The following ATXN7 variants were observed in gnomAD, a reference collection of about 807,000 sequenced individuals.
ATXN7 encodes ataxin-7.
In ATXN7, 12 loss-of-function variants were observed where a neutral mutation model predicts 70.5. The observed-to-expected ratio is 0.17, with a 90% CI of 0.11 to 0.28. The LOEUF (loss-of-function observed/expected upper bound fraction) is 0.28. ATXN7 is among the 10% of genes least tolerant of loss of function. ATXN7 has a pLI of 1.00. For missense variants in ATXN7, 1,256 were observed against 1,131.7 expected, an observed-to-expected ratio of 1.11 and a Z score of -1.58; for synonymous variants, 498 against 448.7, an observed-to-expected ratio of 1.11 and a Z score of -1.39.
At chr3:63,881,608 C>G (rs558949596) in intron 1 of ATXN7, among the ~76,000 whole-genome samples, 9 of 152,026 alleles carry the variant, frequency 5.9e-5, no homozygotes, top group Admixed American at 5.2e-4. Flanking sequence ...CCTGCCTCAG[C>G]CTCCTGAGAA....
chr3:63,933,367 A>G (rs977294211), intron 4 of ATXN7, among the ~76,000 whole-genome samples: 3 of 152,164 alleles, frequency 2.0e-5, no homozygotes, highest in Non-Finnish European at 4.4e-5. Context: ...AAAGTAGTCA[A>G]TGTTGTTGTT....
intron 2 of ATXN7, among the ~76,000 whole-genome samples, chr3:63,908,330 A>C (rs1021375299): frequency 2.0e-5 from 3 of 152,246 alleles, no homozygotes; most frequent in African/African-American, 7.2e-5. Context: ...CCCCTTGTGC[A>C]GAATACAGCC....
chr3:63,963,326 A>G (rs773458519), intron 5 of ATXN7, among the ~76,000 whole-genome samples: 14 of 152,212 alleles, frequency 9.2e-5, no homozygotes, highest in Non-Finnish European at 1.5e-4. Context: ...AATATATGAA[A>G]TATATACACC....
At chr3:63,947,841 A>G (rs2074888926) in intron 4 of ATXN7, among the ~76,000 whole-genome samples, 1 of 152,012 alleles carries the variant, frequency 6.6e-6, no homozygotes, top group South Asian at 2.1e-4. Flanking sequence ...GGCTGGGGAA[A>G]AGGTTTCTGG....
At position 63,988,315 on chromosome 3, in the gene ATXN7, G is replaced by C; in HGVS notation, c.1352G>C (p.Ser451Thr). The C allele has an allele frequency of 6.2e-7, 1 of 1,614,024 alleles. No homozygotes were observed. The highest frequency in any genetic ancestry group is 1.7e-5 in the Admixed American group (1 of 60,016). The change falls in exon 9 of 13, where the codon AGT becomes ACT. Residue 451 changes from serine to threonine, a missense_variant. Coordinates refer to ENST00000674280, the MANE Select transcript of ATXN7 (RefSeq NM_001377405.1). ...AGTAAACCTAAACCTCACACCCCCA[G>C]TCTTCCAAGGTAAGCCAGGCCCTCC... ...VASKPKPHTP[S>T]LPRPPGCPAQ...
Position 63,973,311 on chromosome 3 carries a change from CA to C in ATXN7, c.500-6603del, listed in dbSNP as rs570762423. Among the ~76,000 whole-genome samples the C allele has an allele frequency of 4.9e-3, 744 of 152,230 alleles. 6 individuals carry two copies. The highest frequency in any genetic ancestry group is 0.027 in the Middle Eastern group (8 of 294). ...CCTGAGCCTCTGCTGGGAAGGTGACCATAAACAACCTGAGAGTGACTCGAAG... is the reference window on the plus strand; with the variant it reads ...CCTGAGCCTCTGCTGGGAAGGTGACCTAAACAACCTGAGAGTGACTCGAAG... On this transcript the variant is annotated intron_variant, in intron 5 of 12. Coordinates refer to ENST00000674280, the MANE Select transcript of ATXN7 (RefSeq NM_001377405.1).
At chr3:63,955,787 A>T (rs2075029559) in intron 5 of ATXN7, among the ~76,000 whole-genome samples, 1 of 152,184 alleles carries the variant, frequency 6.6e-6, no homozygotes, top group Admixed American at 6.5e-5. Context: ...CTGTGAATTC[A>T]TGTATTGCTG....
At chr3:63,959,968 T>A (rs78734558) in intron 5 of ATXN7, among the ~76,000 whole-genome samples, 7,343 of 152,264 alleles carry the variant, frequency 0.048, 198 homozygotes, top group South Asian at 0.079. Context: ...TATTCTGACT[T>A]AATACAATAC....
chr3:63,913,056 C>G lies in ATXN7; in HGVS notation c.326-101C>G. 2.7e-6 allele frequency: 4 copies of G among 1,456,298 alleles called. No homozygotes were observed. The South Asian group carries it at 3.5e-5, about 13-fold the overall frequency. The allele number at this position is 1,456,298 out of a possible 1,614,324, so 90.2% of individuals were successfully genotyped here. ...TGCTATCGTTTGCTGGGTTGCGGAA[C>G]GCGGAGGTGCCCACACCTACCCCGT... On this transcript the variant is annotated intron_variant, in intron 3 of 12. Transcript: ENST00000674280.
chr3:63,971,787 A>G (rs1054699905), intron 5 of ATXN7, among the ~76,000 whole-genome samples: 1 of 152,218 alleles, frequency 6.6e-6, no homozygotes, highest in African/African-American at 2.4e-5. Flanking sequence ...TAAAAAATAT[A>G]TTAAGTAAAT....
chr3:63,863,335 C>T (rs962644403), upstream of ATXN7: 9 of 621,578 alleles, frequency 1.4e-5, no homozygotes, highest in Non-Finnish European at 1.8e-5. Flanking sequence ...ACCTTCCAGG[C>T]CCCCAGCCCT....
chr3:63,961,519 T>G (rs542289718), intron 5 of ATXN7, among the ~76,000 whole-genome samples: 1 of 152,310 alleles, frequency 6.6e-6, no homozygotes, highest in African/African-American at 2.4e-5. Context: ...CTTCAGCAGT[T>G]CTGATTTGGG....
intron 1 of ATXN7, chr3:63,866,977 A>C (rs1232123725): frequency 1.3e-5 from 2 of 150,812 alleles, no homozygotes; most frequent in Non-Finnish European, 3.0e-5. Flanking sequence ...TTTTTTTGAG[A>C]ATATGAAAGA....
chr3:63,866,085 T>C (rs1233726711), intron 1 of ATXN7, among the ~76,000 whole-genome samples: 3 of 152,132 alleles, frequency 2.0e-5, no homozygotes, highest in African/African-American at 7.2e-5. Flanking sequence ...AGATACTCTC[T>C]GAGTTATTCA....
intron 1 of ATXN7, among the ~76,000 whole-genome samples, chr3:63,874,374 T>C (rs1702686494): frequency 6.6e-6 from 1 of 152,258 alleles, no homozygotes; most frequent in South Asian, 2.1e-4. Flanking sequence ...TGTTAGACTT[T>C]ATAAAAGCTT....
intron 1 of ATXN7, among the ~76,000 whole-genome samples, chr3:63,870,475 C>A (rs1702562042): frequency 6.6e-6 from 1 of 152,194 alleles, no homozygotes; most frequent in Non-Finnish European, 1.5e-5. Flanking sequence ...GCAGTTTGAT[C>A]TAATGCCTCA....
chr3:63,903,123 G>C (rs994570939), intron 2 of ATXN7, among the ~76,000 whole-genome samples: 1 of 151,898 alleles, frequency 6.6e-6, no homozygotes, highest in Admixed American at 6.6e-5. Context: ...GGCCGGGCAC[G>C]GTGGCTCACG....
chr3:63,927,819 T>G (rs1704777325), intron 4 of ATXN7, among the ~76,000 whole-genome samples: 2 of 152,180 alleles, frequency 1.3e-5, no homozygotes, highest in African/African-American at 4.8e-5. Context: ...GCTGTAGATT[T>G]TAAATGCTAC....
intron 2 of ATXN7, among the ~76,000 whole-genome samples, chr3:63,903,182 C>T (rs934798192): frequency 1.3e-5 from 2 of 152,050 alleles, no homozygotes; most frequent in African/African-American, 4.8e-5. Flanking sequence ...ATCACGAGGT[C>T]AGGAGATTGA....
Sources: gnomAD v4.1 joint callset for allele counts (sites outside exome capture counted in the v4.1 genomes callset) on GRCh38, gnomAD v4.1.1 for gene constraint, MANE v1.5 for transcripts, NCBI Gene and HGNC (gene_info 2026-07-23, HGNC 2026-07-21) for gene names.